Variants in TIAM1 observed in about 807,000 individuals in gnomAD.
TIAM1 encodes TIAM Rac1 associated GEF 1, also known as rho guanine nucleotide exchange factor TIAM1.
Under a neutral mutation model 163.5 loss-of-function variants are expected in TIAM1, and 65 were observed. The observed-to-expected ratio is 0.40, with a 90% CI of 0.33 to 0.49. The LOEUF (loss-of-function observed/expected upper bound fraction) is 0.49. Ranked by LOEUF, TIAM1 falls within the 20% of genes least tolerant of loss-of-function variation. The probability of loss-of-function intolerance (pLI) is 0.77; values close to 1 mark genes in which losing one functional copy is unlikely to be tolerated. For missense variants in TIAM1, 1,789 were observed against 2,044.7 expected (o/e 0.87, Z 2.41); for synonymous variants, 833 against 810.1 (o/e 1.03, Z -0.48).
intron 2 of TIAM1, among the ~76,000 whole-genome samples, chr21:31,446,319 T>C (rs1002504277): frequency 6.6e-6 from 1 of 152,178 alleles, no homozygotes; most frequent in Admixed American, 6.5e-5. Context: ...TCTAGTTGCT[T>C]TCTACTTAAG....
At chr21:31,269,562 G>A (rs2033511197) in intron 3 of TIAM1, among the ~76,000 whole-genome samples, 1 of 152,104 alleles carries the variant, frequency 6.6e-6, no homozygotes, top group African/African-American at 2.4e-5. Context: ...TAACATCAGC[G>A]TGAAAAGTTG....
chr21:31,295,342 C>T (rs1444613804), intron 2 of TIAM1, among the ~76,000 whole-genome samples: 10 of 151,918 alleles, frequency 6.6e-5, no homozygotes, highest in East Asian at 3.9e-4. Context: ...TGGTGGCAGG[C>T]ACCTGTAGTC....
At chr21:31,465,036 A>C (rs2045473750) in intron 1 of TIAM1, among the ~76,000 whole-genome samples, 1 of 151,802 alleles carries the variant, frequency 6.6e-6, no homozygotes, top group Non-Finnish European at 1.5e-5. Context: ...TTTAAAAATA[A>C]AAATGAAAAA....
chr21:31,171,619 G>T (rs1048111946), intron 15 of TIAM1, among the ~76,000 whole-genome samples: 2 of 152,254 alleles, frequency 1.3e-5, no homozygotes, highest in East Asian at 1.9e-4. Context: ...ATTAAAATGG[G>T]CAATGCAGTT....
chr21:31,485,654 G>T (rs974418425), intron 1 of TIAM1, among the ~76,000 whole-genome samples: 3 of 152,120 alleles, frequency 2.0e-5, no homozygotes, highest in African/African-American at 7.2e-5. Context: ...CTGCCCTCTA[G>T]AGACAGCACA....
rs150485565 is a variant in TIAM1, at chr21:31,127,135, C to T, written c.4063G>A (p.Val1355Met). The change falls in exon 26 of 28, where the codon GTG (valine) becomes ATG (methionine). Residue 1355 changes from valine (V) to methionine (M), a missense_variant. This residue lies in a region of TIAM1 where 415 missense variants were observed against 439.2 expected (regional missense o/e 0.94). Transcript: ENST00000541036. The part of the protein sequence containing the change: ...LASADAEANA[V>M]CEIVHVKSES... Reference sequence around the variant, plus strand: ...GATTTTACATGGACAATTTCACACACGGCATTTGCCTCTGCATCTAAAGAA... The same window carrying T: ...GATTTTACATGGACAATTTCACACATGGCATTTGCCTCTGCATCTAAAGAA... 2.3e-5 allele frequency: 37 copies of T among 1,613,834 alleles called. No individual in the cohort carries two copies. The African/African-American group carries it at 2.7e-4, about 12-fold the overall frequency.
Position 31,534,436 on chromosome 21 carries a change from GA to G in TIAM1, c.-422+24490del, listed in dbSNP as rs575136874. 1.4e-4 allele frequency among the ~76,000 whole-genome samples: 22 copies of G among 152,290 alleles called. No homozygotes were observed. The South Asian group carries it at 3.9e-3, about 27-fold the overall frequency. ...CATGCCTGTAATCCCAGCACTTTGGGAGGCCGAGGTGGGTGGATCACCCAAG... is the reference window on the plus strand; with the variant it reads ...CATGCCTGTAATCCCAGCACTTTGGGGGCCGAGGTGGGTGGATCACCCAAG... On this transcript the variant is annotated intron_variant, in intron 1 of 28. Coordinates refer to the TIAM1 transcript ENST00000286827.
intron 1 of TIAM1, among the ~76,000 whole-genome samples, chr21:31,509,925 G>A (rs1443689105): frequency 1.3e-5 from 2 of 152,136 alleles, no homozygotes; most frequent in South Asian, 4.2e-4. Flanking sequence ...TCAGGCAGAG[G>A]TACTAGTGCC....
chr21:31,532,029 A>G (rs1351989307), intron 1 of TIAM1, among the ~76,000 whole-genome samples: 4 of 152,124 alleles, frequency 2.6e-5, no homozygotes, highest in African/African-American at 9.7e-5. Flanking sequence ...AGGTAGGAGG[A>G]TTCCTTGAGC....
chr21:31,236,124 G>A (rs1195179693), intron 6 of TIAM1, among the ~76,000 whole-genome samples: 3 of 152,196 alleles, frequency 2.0e-5, no homozygotes, highest in East Asian at 1.9e-4. Flanking sequence ...AAAGATGCCC[G>A]AAGCTCTTGA....
At chr21:31,278,607 G>A (rs997503184) in intron 2 of TIAM1, among the ~76,000 whole-genome samples, 5 of 152,174 alleles carry the variant, frequency 3.3e-5, no homozygotes, top group Non-Finnish European at 7.3e-5. Flanking sequence ...GCCACATACA[G>A]GCAGTAAATA....
intron 2 of TIAM1, among the ~76,000 whole-genome samples, chr21:31,408,772 G>A (rs1469358523): frequency 1.3e-5 from 2 of 152,136 alleles, no homozygotes; most frequent in Non-Finnish European, 2.9e-5. Context: ...GTTCTCACAC[G>A]AAGACAATGG....
At chr21:31,135,874 T>G in intron 23 of TIAM1, 59 bp downstream of exon 23, 1 of 1,482,184 alleles carries the variant, frequency 6.7e-7, no homozygotes, top group Non-Finnish European at 9.4e-7. Flanking sequence ...AGAAATGTTC[T>G]TGTTTTGAAA....
chr21:31,365,584 T>C (rs12481744), intron 2 of TIAM1, among the ~76,000 whole-genome samples: 1,671 of 151,206 alleles, frequency 0.011, 15 homozygotes, highest in South Asian at 0.02. Context: ...AGAGATGGGG[T>C]TTCACACCAT....
intron 2 of TIAM1, among the ~76,000 whole-genome samples, chr21:31,352,098 C>T (rs9980047): frequency 0.74 from 112,200 of 151,842 alleles, 41,578 homozygotes; most frequent in Middle Eastern, 0.79. Flanking sequence ...TCTTTGCTAA[C>T]GCCACAAAAT....
intron 2 of TIAM1, among the ~76,000 whole-genome samples, chr21:31,419,257 C>G (rs181615121): frequency 6.6e-6 from 1 of 152,144 alleles, no homozygotes; most frequent in African/African-American, 2.4e-5. Flanking sequence ...CACATGAATG[C>G]GTGAGAAATT....
chr21:31,458,767 G>T (rs368675706), intron 2 of TIAM1, among the ~76,000 whole-genome samples: 1 of 152,222 alleles, frequency 6.6e-6, no homozygotes, highest in East Asian at 1.9e-4. Context: ...GGAGGGAGGG[G>T]TCTGGGGAGA....
At chr21:31,429,577 C>T (rs73902337) in intron 2 of TIAM1, among the ~76,000 whole-genome samples, 3 of 152,080 alleles carry the variant, frequency 2.0e-5, no homozygotes, top group Non-Finnish European at 2.9e-5. Context: ...CTCTCCTGGA[C>T]GGCAGGGAGT....
chr21:31,210,795 A>G (rs1243990113), intron 10 of TIAM1, among the ~76,000 whole-genome samples: 1 of 148,396 alleles, frequency 6.7e-6, no homozygotes, highest in Non-Finnish European at 1.5e-5. Context: ...AGAAAGAAAG[A>G]AAGAAAGAAA....
Sources: gnomAD v4.1 joint callset for allele counts (sites outside exome capture counted in the v4.1 genomes callset) on GRCh38, gnomAD v4.1.1 for gene constraint, gnomAD v4.1.1 regional missense constraint, MANE v1.5 for transcripts, NCBI Gene and HGNC (gene_info 2026-07-23, HGNC 2026-07-21) for gene names.